CDYL2: variants seen among roughly 807,000 people sequenced by gnomAD.
The protein encoded by CDYL2 is chromodomain Y-like protein 2.
A neutral mutation model predicts 49.4 loss-of-function variants in CDYL2; 23 were observed. That is an observed-to-expected ratio of 0.47 (90% CI 0.34 to 0.66). The LOEUF is 0.66. Ranked by LOEUF, CDYL2 falls within the 30% of genes least tolerant of loss-of-function variation. CDYL2 has a pLI of 0.01. For missense variants in CDYL2, 678 were observed against 656.4 expected (o/e 1.03, Z -0.36); for synonymous variants, 360 against 268.8 (o/e 1.34, Z -3.32).
At position 80,603,660 on chromosome 16, in the gene CDYL2, AAAAT is replaced by A. The variant is rs1308073695; in HGVS notation, c.*724_*727del. On this transcript the variant is annotated 3_prime_UTR_variant, in exon 7 of 7. Coordinates refer to ENST00000570137, the MANE Select transcript of CDYL2 (RefSeq NM_152342.4). Reference sequence around the variant, plus strand: ...CAACAGACATCACAATATATAAACAAAAATAAATAAATAAAACAAGTCCAAGGAA... The same window carrying A: ...CAACAGACATCACAATATATAAACAAAAATAAATAAAACAAGTCCAAGGAA... 2.0e-5 allele frequency: 3 copies of A among 152,660 alleles called. No homozygotes were observed. The highest frequency in any genetic ancestry group is 2.9e-5 in the Non-Finnish European group (2 of 68,044). 9.5% of individuals were successfully genotyped at this position (152,660 alleles called of 1,614,324 possible).
chr16:80,705,864 T>A (rs1312103741), intron 1 of CDYL2, among the ~76,000 whole-genome samples: 1 of 152,282 alleles, frequency 6.6e-6, no homozygotes, highest in Admixed American at 6.5e-5. Flanking sequence ...CCCCATATTA[T>A]AATTTCTCCA....
At chr16:80,742,054 TA>T (rs911222019) in intron 1 of CDYL2, 4 of 152,164 alleles carry the variant, frequency 2.6e-5, no homozygotes, top group Non-Finnish European at 5.9e-5. Context: ...TTTAACCCTT[TA>T]AAAAATAAGA....
chr16:80,783,139 T>C (rs1907327354), intron 1 of CDYL2, among the ~76,000 whole-genome samples: 1 of 152,086 alleles, frequency 6.6e-6, no homozygotes, highest in Non-Finnish European at 1.5e-5. Flanking sequence ...TATTTTCAAA[T>C]CATGTATCTG....
intron 2 of CDYL2, among the ~76,000 whole-genome samples, chr16:80,652,364 A>G (rs113998980): frequency 6.6e-4 from 101 of 152,358 alleles, no homozygotes; most frequent in African/African-American, 2.4e-3. Flanking sequence ...AGATGGAACA[A>G]TTTGAGCAAC....
intron 4 of CDYL2, among the ~76,000 whole-genome samples, chr16:80,619,257 T>G (rs1434759927): frequency 6.6e-6 from 1 of 152,228 alleles, no homozygotes; most frequent in African/African-American, 2.4e-5. Context: ...TAATCACATC[T>G]GCAAAGAGCC....
chr16:80,635,764 T>C (rs190832020), intron 2 of CDYL2, among the ~76,000 whole-genome samples: 110 of 152,316 alleles, frequency 7.2e-4, no homozygotes, highest in African/African-American at 2.5e-3. Flanking sequence ...AAGGCAATCC[T>C]AAGCAAAAAG....
intron 1 of CDYL2, among the ~76,000 whole-genome samples, chr16:80,772,301 G>A (rs1313349002): frequency 3.9e-5 from 6 of 152,090 alleles, no homozygotes; most frequent in African/African-American, 1.4e-4. Flanking sequence ...ATGAAAAACT[G>A]GAGAAAGTCA....
At chr16:80,802,127 A>G (rs1907944490) in intron 1 of CDYL2, among the ~76,000 whole-genome samples, 1 of 152,216 alleles carries the variant, frequency 6.6e-6, no homozygotes, top group Admixed American at 6.5e-5. Flanking sequence ...CTAATCTGGC[A>G]ACGACAATTA....
At chr16:80,685,628 C>T (rs985106114) in intron 1 of CDYL2, among the ~76,000 whole-genome samples, 6 of 152,156 alleles carry the variant, frequency 3.9e-5, no homozygotes, top group African/African-American at 1.2e-4. Context: ...TCACTGGGTG[C>T]TTATGAGCCA....
chr16:80,698,231 G>A (rs1904283991), intron 1 of CDYL2, among the ~76,000 whole-genome samples: 7 of 152,062 alleles, frequency 4.6e-5, no homozygotes, highest in Admixed American at 4.6e-4. Flanking sequence ...CGAAAGCACA[G>A]GCAACAAAAG....
At chr16:80,667,840 A>G (rs1291662161) in intron 2 of CDYL2, among the ~76,000 whole-genome samples, 6 of 152,224 alleles carry the variant, frequency 3.9e-5, no homozygotes, top group Non-Finnish European at 8.8e-5. Flanking sequence ...CCCGTGAGGT[A>G]TGAATATCTG....
intron 4 of CDYL2, among the ~76,000 whole-genome samples, chr16:80,620,505 C>T (rs1243930784): frequency 1.3e-5 from 2 of 152,172 alleles, no homozygotes; most frequent in African/African-American, 2.4e-5. Context: ...GGGATCTAAC[C>T]TAGAGGGCAA....
At chr16:80,726,520 G>T (rs9922556) in intron 1 of CDYL2, among the ~76,000 whole-genome samples, 118,577 of 152,134 alleles carry the variant, frequency 0.78, 48,789 homozygotes, top group Non-Finnish European at 0.92. Flanking sequence ...AGCTTGACAT[G>T]CAATACATAT....
intron 1 of CDYL2, among the ~76,000 whole-genome samples, chr16:80,727,720 C>G (rs890727353): frequency 6.6e-6 from 1 of 152,210 alleles, no homozygotes; most frequent in East Asian, 1.9e-4. Flanking sequence ...TTGAAGAGAA[C>G]AGTGGTTCTC....
At chr16:80,629,286 C>T (rs190565035) in intron 3 of CDYL2, among the ~76,000 whole-genome samples, 57 of 152,250 alleles carry the variant, frequency 3.7e-4, no homozygotes, top group East Asian at 1.2e-3. Flanking sequence ...ACTTATGAGA[C>T]GGCTAATTAC....
At position 80,599,620 on chromosome 16, in the gene CDYL2, G is replaced by T. The variant is rs956999166; in HGVS notation, c.*4768C>A. The T allele has an allele frequency of 2.0e-5, 3 of 152,168 alleles. No individual in the cohort carries two copies. Among genetic ancestry groups the T allele is most frequent in the African/African-American group, 7.2e-5 (3 of 41,418 alleles). 9.4% of individuals were successfully genotyped at this position (152,168 alleles called of 1,614,324 possible). A position where few individuals can be genotyped will look rare whatever the true frequency, so the allele number is the denominator to read the frequency against. ...GTGTAACTAAAATTGACTTCAGATT[G>T]TCTACACAGTAAGACTCATAGGTAA... On this transcript the variant is annotated 3_prime_UTR_variant, in exon 7 of 7. Transcript: ENST00000570137.
At position 80,631,225 on chromosome 16, in the gene CDYL2, C is replaced by T. The variant is rs144723154; in HGVS notation, c.834+1794G>A. On this transcript the variant is annotated intron_variant, in intron 3 of 6. Transcript: ENST00000570137. ...TACAATGTGGATCATAACAATCCTA[C>T]ATCAGAAGGGAGGTGACGAAATGAC... is the stretch of plus-strand genomic sequence containing the variant. Among the ~76,000 whole-genome samples, 7 of 152,238 alleles carry T rather than the reference C, an allele frequency of 4.6e-5. No individual in the cohort carries two copies. In the East Asian group the frequency reaches 1.2e-3, roughly 25 times the overall value.
chr16:80,626,423 T>C (rs922701841), intron 3 of CDYL2, among the ~76,000 whole-genome samples: 1 of 152,016 alleles, frequency 6.6e-6, no homozygotes, highest in Non-Finnish European at 1.5e-5. Context: ...AATAATATTG[T>C]AGAGGATGAG....
intron 4 of CDYL2, among the ~76,000 whole-genome samples, chr16:80,613,952 G>C (rs1197283421): frequency 3.3e-5 from 5 of 152,180 alleles, no homozygotes; most frequent in East Asian, 3.9e-4. Flanking sequence ...CTGTGCATGA[G>C]CCACATGGGC....
Sources: gnomAD v4.1 joint callset for allele counts (sites outside exome capture counted in the v4.1 genomes callset) on GRCh38, gnomAD v4.1.1 for gene constraint, MANE v1.5 for transcripts, NCBI Gene and HGNC (gene_info 2026-07-23, HGNC 2026-07-21) for gene names.